AFF3: variants seen among roughly 807,000 people sequenced by gnomAD.
AFF3 encodes the protein AF4/FMR2 family member 3.
Under a neutral mutation model 129.7 loss-of-function variants are expected in AFF3, and 32 were observed. The ratio of observed to expected loss-of-function variants is 0.25; its 90% CI spans 0.19 to 0.33. The LOEUF is 0.33. Among genes scored for constraint, AFF3 ranks in the 10% least tolerant of loss-of-function variants. The pLI, the probability that AFF3 is intolerant of heterozygous loss-of-function variation, is 1.00. For missense variants in AFF3, 1,373 were observed against 1,592.0 expected (o/e 0.86, Z 2.34); for synonymous variants, 644 against 635.4 (o/e 1.01, Z -0.20).
At chr2:100,001,133 C>T (rs542469582) in intron 7 of AFF3, among the ~76,000 whole-genome samples, 14 of 152,258 alleles carry the variant, frequency 9.2e-5, no homozygotes, top group African/African-American at 2.2e-4. Context: ...GAAAGCTTTA[C>T]GAGAACTGAG....
chr2:99,884,244 T>C (rs1267588706), intron 7 of AFF3, among the ~76,000 whole-genome samples: 1 of 152,252 alleles, frequency 6.6e-6, no homozygotes, highest in Non-Finnish European at 1.5e-5. Context: ...GGTGTTCTGA[T>C]AGATTTATAC....
chr2:99,791,002 T>G (rs901888256), intron 8 of AFF3, among the ~76,000 whole-genome samples: 1 of 152,134 alleles, frequency 6.6e-6, no homozygotes, highest in African/African-American at 2.4e-5. Flanking sequence ...AAAACATGAG[T>G]AAATCTCAAA....
At chr2:99,560,467 A>G in intron 20 of AFF3, 31 bp from the exon 21 acceptor site, 1 of 1,589,216 alleles carries the variant, frequency 6.3e-7, no homozygotes. Flanking sequence ...GGAATAGAAT[A>G]AAAAACATAA....
At chr2:99,597,366 C>T (rs940508989) in intron 14 of AFF3, among the ~76,000 whole-genome samples, 1 of 152,172 alleles carries the variant, frequency 6.6e-6, no homozygotes, top group African/African-American at 2.4e-5. Flanking sequence ...TACTCAATTG[C>T]GTTGTCTTTT....
intron 8 of AFF3, among the ~76,000 whole-genome samples, chr2:99,834,638 T>C (rs529187739): frequency 2.6e-5 from 4 of 152,192 alleles, no homozygotes; most frequent in Non-Finnish European, 4.4e-5. Flanking sequence ...GTCTAATCCA[T>C]TGTGTGGTTT....
chr2:99,966,727 A>G (rs1677814287), intron 7 of AFF3, among the ~76,000 whole-genome samples: 1 of 145,672 alleles, frequency 6.9e-6, no homozygotes, highest in Non-Finnish European at 1.5e-5. Flanking sequence ...AAAAAAGAAA[A>G]TGAAGAATGA....
At chr2:100,039,282 C>T (rs1351703943) in intron 4 of AFF3, among the ~76,000 whole-genome samples, 3 of 152,132 alleles carry the variant, frequency 2.0e-5, no homozygotes, top group East Asian at 1.9e-4. Context: ...CCTTGGGCAG[C>T]GCACAGTGGC....
intron 13 of AFF3, among the ~76,000 whole-genome samples, chr2:99,636,882 G>GCC (rs1683712539): frequency 6.6e-6 from 1 of 152,214 alleles, no homozygotes; most frequent in African/African-American, 2.4e-5. Flanking sequence ...GCCCAGTGCA[G>GCC]CCAAGGCTGG....
At chr2:100,046,260 A>C (rs1408317558) in intron 4 of AFF3, among the ~76,000 whole-genome samples, 1 of 152,154 alleles carries the variant, frequency 6.6e-6, no homozygotes, top group Non-Finnish European at 1.5e-5. Context: ...ACACAAACAG[A>C]ATGAGGCACA....
rs7572738 is a variant in AFF3, at chr2:99,901,494, C to A, written c.874-63970G>T. 1.5e-3 allele frequency among the ~76,000 whole-genome samples: 228 copies of A among 152,312 alleles called. 1 individual carries two copies. Among genetic ancestry groups the A allele is most frequent in the African/African-American group, 5.3e-3 (220 of 41,564 alleles). ...CCTCCACTTATAAGAAACTCATTAT[C>A]GTGATCCCAACCTGCTACTCTTCAG... On this transcript the variant is annotated intron_variant, in intron 7 of 24. Coordinates refer to ENST00000672756, the MANE Select transcript of AFF3 (RefSeq NM_001386135.1).
intron 7 of AFF3, among the ~76,000 whole-genome samples, chr2:99,907,419 C>T (rs1039896762): frequency 1.3e-5 from 2 of 152,090 alleles, no homozygotes; most frequent in Non-Finnish European, 2.9e-5. Flanking sequence ...CCTTAGACAC[C>T]AGTTTAGAAA....
chr2:99,953,480 A>T lies in AFF3; in HGVS notation c.873+53152T>A, dbSNP rs549913639. The stretch of plus-strand genomic sequence containing the variant: ...ACGTAACTTGAAAATACCTAGAAGA[A>T]GATGTGCCATTTAAATGAAAGTGAT... On this transcript the variant is annotated intron_variant, in intron 7 of 24. Transcript: ENST00000672756. Among the ~76,000 whole-genome samples the T allele has an allele frequency of 4.6e-5, 7 of 152,348 alleles. No homozygotes were observed. The South Asian group carries it at 1.4e-3, about 32-fold the overall frequency.
At position 99,722,091 on chromosome 2, in the gene AFF3, T is replaced by C. The variant is rs1678941794; in HGVS notation, c.1091+4986A>G. On this transcript the variant is annotated intron_variant, in intron 11 of 24. Coordinates refer to ENST00000672756, the MANE Select transcript of AFF3 (RefSeq NM_001386135.1). ...CATTTTTCAGTTCCAGAGTTTTCATTTGGTTATTCTTATTGGTTTCCATTA... is the reference window on the plus strand; with the variant it reads ...CATTTTTCAGTTCCAGAGTTTTCATCTGGTTATTCTTATTGGTTTCCATTA... 2.0e-5 allele frequency among the ~76,000 whole-genome samples: 3 copies of C among 152,216 alleles called. No individual in the cohort carries two copies. In the South Asian group the frequency reaches 6.2e-4, roughly 32 times the overall value.
At chr2:99,964,943 T>G (rs1345829023) in intron 7 of AFF3, among the ~76,000 whole-genome samples, 2 of 152,194 alleles carry the variant, frequency 1.3e-5, no homozygotes, top group Non-Finnish European at 2.9e-5. Flanking sequence ...TCTACAATGA[T>G]CTCAACAATT....
At chr2:99,927,999 G>C (rs902062439) in intron 7 of AFF3, among the ~76,000 whole-genome samples, 11 of 152,100 alleles carry the variant, frequency 7.2e-5, no homozygotes, top group African/African-American at 2.7e-4. Context: ...TTTAAAAATG[G>C]GAGTTCCCCT....
chr2:100,082,309 C>A (rs1276218022), intron 4 of AFF3, among the ~76,000 whole-genome samples: 1 of 151,990 alleles, frequency 6.6e-6, no homozygotes, highest in Non-Finnish European at 1.5e-5. Context: ...ACTGGAAACA[C>A]CTAACCAATG....
intron 7 of AFF3, among the ~76,000 whole-genome samples, chr2:99,899,670 T>C (rs895611845): frequency 2.0e-5 from 3 of 152,202 alleles, no homozygotes; most frequent in East Asian, 1.9e-4. Flanking sequence ...TTTTAGTAGT[T>C]TTAATAGTAG....
At chr2:99,815,697 G>C (rs1264509515) in intron 8 of AFF3, among the ~76,000 whole-genome samples, 8 of 151,400 alleles carry the variant, frequency 5.3e-5, no homozygotes, top group Non-Finnish European at 1.0e-4. Flanking sequence ...TAGAATTCTG[G>C]GTTGAGAGTT....
intron 11 of AFF3, among the ~76,000 whole-genome samples, chr2:99,691,639 C>T (rs571230005): frequency 6.6e-6 from 1 of 152,264 alleles, no homozygotes; most frequent in East Asian, 1.9e-4. Flanking sequence ...TTTGGCACCG[C>T]AACCTTTTCT....
Sources: gnomAD v4.1 joint callset for allele counts (sites outside exome capture counted in the v4.1 genomes callset) on GRCh38, gnomAD v4.1.1 for gene constraint, MANE v1.5 for transcripts, NCBI Gene and HGNC (gene_info 2026-07-23, HGNC 2026-07-21) for gene names.